The following CSMD2 variants were observed in gnomAD, a reference collection of about 807,000 sequenced individuals.
The protein encoded by CSMD2 is CUB and Sushi multiple domains 2.
A neutral mutation model predicts 398.5 loss-of-function variants in CSMD2; 130 were observed. The observed-to-expected ratio is 0.33, with a 90% CI of 0.28 to 0.38. The LOEUF (loss-of-function observed/expected upper bound fraction) is 0.38. Ranked by LOEUF, CSMD2 falls within the 10% of genes least tolerant of loss-of-function variation. The pLI is 1.00. For synonymous variants in CSMD2, 1,828 were observed against 1,908.5 expected, an observed-to-expected ratio of 0.96 and a Z score of 1.10; for missense variants, 3,829 against 4,764.9, an observed-to-expected ratio of 0.80 and a Z score of 5.78.
chr1:33,971,129 A>T (rs1279274910), intron 3 of CSMD2, among the ~76,000 whole-genome samples: 1 of 152,206 alleles, frequency 6.6e-6, no homozygotes, highest in African/African-American at 2.4e-5. Context: ...GTGGGAAGTC[A>T]CTAGCAGTTA....
At chr1:33,628,221 T>C (rs753555388) in intron 32 of CSMD2, among the ~76,000 whole-genome samples, 2 of 151,948 alleles carry the variant, frequency 1.3e-5, no homozygotes, top group African/African-American at 2.4e-5. Context: ...GAAGTCGAGA[T>C]GAAATTTGGG....
intron 10 of CSMD2, among the ~76,000 whole-genome samples, chr1:33,805,726 G>A (rs778813507): frequency 9.9e-5 from 15 of 152,060 alleles, no homozygotes; most frequent in Non-Finnish European, 2.1e-4. Context: ...CACTCTCTTC[G>A]TGTGTGCACA....
intron 3 of CSMD2, among the ~76,000 whole-genome samples, chr1:34,022,417 T>A (rs1649026743): frequency 1.3e-5 from 2 of 152,184 alleles, no homozygotes; most frequent in African/African-American, 4.8e-5. Flanking sequence ...CAAGTCTTCC[T>A]TTAGACCCTG....
upstream of CSMD2, chr1:34,165,239 T>C (rs1641778899): frequency 4.3e-6 from 5 of 1,170,890 alleles, no homozygotes; most frequent in Non-Finnish European, 5.3e-6. Flanking sequence ...ATGAACCAAG[T>C]GTCCGCCCGG....
chr1:33,866,173 A>G lies in CSMD2; in HGVS notation c.921-19177T>C, dbSNP rs16836007. 4.5e-3 allele frequency among the ~76,000 whole-genome samples: 684 copies of G among 152,320 alleles called. 23 individuals carry two copies. The East Asian group carries it at 0.082, about 18-fold the overall frequency. On this transcript the variant is annotated intron_variant, in intron 5 of 70. Transcript: ENST00000373381. Reference sequence around the variant, plus strand: ...GCCTTTAGGGGATGAGAGGTAATACAGTGATTTAGAAATTCAGGGTCTGGA... The same window carrying G: ...GCCTTTAGGGGATGAGAGGTAATACGGTGATTTAGAAATTCAGGGTCTGGA...
chr1:33,745,846 A>G (rs1647307695), intron 13 of CSMD2, among the ~76,000 whole-genome samples: 1 of 152,232 alleles, frequency 6.6e-6, no homozygotes, highest in Admixed American at 6.5e-5. Context: ...GGGTTTAACT[A>G]AGAGTAGACA....
intron 56 of CSMD2, among the ~76,000 whole-genome samples, chr1:33,547,223 C>A (rs1270510843): frequency 6.6e-6 from 1 of 152,074 alleles, no homozygotes; most frequent in Non-Finnish European, 1.5e-5. Context: ...CTCCAAGGAC[C>A]CAAGGAGCGA....
intron 6 of CSMD2, among the ~76,000 whole-genome samples, chr1:33,836,529 C>G (rs1660285931): frequency 6.6e-6 from 1 of 152,212 alleles, no homozygotes; most frequent in African/African-American, 2.4e-5. Flanking sequence ...AGCTTCCCAG[C>G]CGCTTTGTTT....
Position 33,826,115 on chromosome 1 carries a change from A to G in CSMD2, c.1034-341T>C, listed in dbSNP as rs563437545. 4.3e-4 allele frequency among the ~76,000 whole-genome samples: 66 copies of G among 152,308 alleles called. 1 individual carries two copies. Among genetic ancestry groups the G allele is most frequent in the African/African-American group, 1.4e-3 (59 of 41,568 alleles). ...CAACCTGCTCCTCAGCAAACTTTTCATGAGCGTCGACGTGTGCAGCCTTGC... is the reference window on the plus strand; with the variant it reads ...CAACCTGCTCCTCAGCAAACTTTTCGTGAGCGTCGACGTGTGCAGCCTTGC... On this transcript the variant is annotated intron_variant, in intron 6 of 70. Transcript: ENST00000373381.
At chr1:33,966,575 G>A (rs1645564733) in intron 3 of CSMD2, among the ~76,000 whole-genome samples, 1 of 152,176 alleles carries the variant, frequency 6.6e-6, no homozygotes, top group African/African-American at 2.4e-5. Context: ...CCAAAATAGA[G>A]CCAACTGCCC....
intron 53 of CSMD2, among the ~76,000 whole-genome samples, chr1:33,563,054 G>T (rs1379417121): frequency 6.6e-6 from 1 of 152,264 alleles, no homozygotes; most frequent in Non-Finnish European, 1.5e-5. Context: ...GCATCATTAG[G>T]AGGAAAGTAG....
chr1:33,785,385 G>C (rs1161016788), intron 12 of CSMD2, among the ~76,000 whole-genome samples: 1 of 152,206 alleles, frequency 6.6e-6, no homozygotes, highest in Admixed American at 6.5e-5. Context: ...GGAGGCTTCT[G>C]GTGCAAGGGG....
At position 33,935,181 on chromosome 1, in the gene CSMD2, T is replaced by C. The variant is rs141143592; in HGVS notation, c.712+579A>G. ...GGATGCGGAACTTTCAGGACTAAAA[T>C]TGGGAAGGTCTTGGGCAAATATGAA... On this transcript the variant is annotated intron_variant, in intron 4 of 70. Transcript: ENST00000373381. 1.7e-4 allele frequency among the ~76,000 whole-genome samples: 26 copies of C among 151,842 alleles called. No homozygotes were observed. The East Asian group carries it at 3.9e-3, about 23-fold the overall frequency.
At chr1:33,970,111 A>T (rs1206652388) in intron 3 of CSMD2, among the ~76,000 whole-genome samples, 1 of 151,550 alleles carries the variant, frequency 6.6e-6, no homozygotes, top group African/African-American at 2.4e-5. Context: ...CATCTCAAAA[A>T]AAAAAAAAAA....
At chr1:34,022,923 CT>C (rs1649112875) in intron 3 of CSMD2, among the ~76,000 whole-genome samples, 1 of 152,136 alleles carries the variant, frequency 6.6e-6, no homozygotes, top group African/African-American at 2.4e-5. Flanking sequence ...CCTCAACCCC[CT>C]GGGCTCTAGT....
chr1:33,828,408 C>G (rs773107662), intron 6 of CSMD2, among the ~76,000 whole-genome samples: 90 of 152,218 alleles, frequency 5.9e-4, no homozygotes, highest in Non-Finnish European at 1.0e-3. Context: ...GGTGAGGGGT[C>G]TCTATGACCC....
chr1:34,076,909 C>CAAAAAAAAAA lies in CSMD2; in HGVS notation c.404+12058_404+12067dup, dbSNP rs1160217243. Among the ~76,000 whole-genome samples the CAAAAAAAAAA allele has an allele frequency of 5.9e-4, 6 of 10,208 alleles. 1 individual carries two copies. The highest frequency in any genetic ancestry group is 1.9e-3 in the African/African-American group (5 of 2,662). 6.7% of individuals were successfully genotyped at this position (10,208 alleles called of 152,430 possible). On this transcript the variant is annotated intron_variant, in intron 2 of 70. Transcript: ENST00000373381. Reference sequence around the variant, plus strand: ...ACTGTATGGCTCTGTTACAGCAAAGCAAAAAAAAAAAAAAAAAAAATATAT... The same window carrying CAAAAAAAAAA: ...ACTGTATGGCTCTGTTACAGCAAAGCAAAAAAAAAAAAAAAAAAAAAAAAAAAAAATATAT...
intron 15 of CSMD2, among the ~76,000 whole-genome samples, chr1:33,729,760 G>C (rs533777113): frequency 2.4e-4 from 37 of 152,240 alleles, no homozygotes; most frequent in African/African-American, 8.9e-4. Flanking sequence ...TAAAAGCACA[G>C]TGAAATATTG....
At position 33,531,112 on chromosome 1, in the gene CSMD2, A is replaced by G. The variant is rs138560195; in HGVS notation, c.10171+1938T>C. Among the ~76,000 whole-genome samples the G allele has an allele frequency of 6.8e-3, 1,032 of 152,340 alleles. 16 individuals carry two copies. The highest frequency in any genetic ancestry group is 0.024 in the African/African-American group (999 of 41,568). ...TGAGAGTAGATTTTGTGTTCTTACC[A>G]CAAAAAATGGCAAGTATATGAAGTT... is the stretch of plus-strand genomic sequence containing the variant. On this transcript the variant is annotated intron_variant, in intron 64 of 70. Coordinates refer to ENST00000373381, the MANE Select transcript of CSMD2 (RefSeq NM_001281956.2).
Sources: gnomAD v4.1 joint callset for allele counts (sites outside exome capture counted in the v4.1 genomes callset) on GRCh38, gnomAD v4.1.1 for gene constraint, MANE v1.5 for transcripts, NCBI Gene and HGNC (gene_info 2026-07-23, HGNC 2026-07-21) for gene names.